The following ARB2A variants were observed in gnomAD, a reference collection of about 807,000 sequenced individuals.
ARB2A encodes ARB2 cotranscriptional regulator A.
chr5:93,830,277 A>G, the ARB2A span, among the ~76,000 whole-genome samples: 1 of 136,516 alleles, frequency 7.3e-6, no homozygotes, highest in Non-Finnish European at 1.6e-5. Context: ...ATATGTGTGT[A>G]TATATATTTA....
the ARB2A span, among the ~76,000 whole-genome samples, chr5:93,949,328 C>T: frequency 5.9e-5 from 9 of 151,816 alleles, no homozygotes; most frequent in South Asian, 2.1e-4. Context: ...TTTGGGAGGC[C>T]GAGACGGGCA....
At chr5:93,743,524 G>A in the ARB2A span, 2 of 984,250 alleles carry the variant, frequency 2.0e-6, no homozygotes, top group East Asian at 1.1e-4. Flanking sequence ...CTATTCTCTT[G>A]AGGTATACTT....
the ARB2A span, among the ~76,000 whole-genome samples, chr5:93,965,149 T>C: frequency 1.3e-5 from 2 of 152,058 alleles, no homozygotes; most frequent in Admixed American, 6.6e-5. Flanking sequence ...TTTCTAGGAT[T>C]ATCTGGGTGA....
At chr5:93,679,208 C>T in the ARB2A span, among the ~76,000 whole-genome samples, 1 of 151,672 alleles carries the variant, frequency 6.6e-6, no homozygotes, top group Non-Finnish European at 1.5e-5. Context: ...GGACTGAATG[C>T]TACATAGAAA....
the ARB2A span, chr5:94,074,535 G>T: frequency 1.4e-6 from 1 of 740,032 alleles, no homozygotes; most frequent in Non-Finnish European, 2.2e-6. Flanking sequence ...AAATACTTTA[G>T]GTACTTATAT....
the ARB2A span, among the ~76,000 whole-genome samples, chr5:94,061,626 A>C: frequency 1.3e-4 from 20 of 152,206 alleles, no homozygotes; most frequent in Non-Finnish European, 1.9e-4. Flanking sequence ...CAACACACAA[A>C]ACTTAATTGT....
At chr5:93,773,018 CT>C in the ARB2A span, among the ~76,000 whole-genome samples, 5 of 152,200 alleles carry the variant, frequency 3.3e-5, no homozygotes, top group African/African-American at 1.2e-4. Flanking sequence ...CAAATATGGA[CT>C]TTTCTCTAAA....
At chr5:93,691,043 GGT>G in the ARB2A span, among the ~76,000 whole-genome samples, 1 of 152,042 alleles carries the variant, frequency 6.6e-6, no homozygotes, top group South Asian at 2.1e-4. Context: ...AAAGACCAAA[GGT>G]ACATAAATCC....
chr5:93,917,609 G>C, the ARB2A span, among the ~76,000 whole-genome samples: 2 of 152,240 alleles, frequency 1.3e-5, no homozygotes, highest in East Asian at 1.9e-4. Context: ...CAGGTGCAGT[G>C]GTTCACACCT....
At chr5:93,696,851 C>T in the ARB2A span, among the ~76,000 whole-genome samples, 3 of 151,814 alleles carry the variant, frequency 2.0e-5, no homozygotes, top group Non-Finnish European at 2.9e-5. Context: ...TGCCTGAGGT[C>T]GAGAGTTTGA....
chr5:93,880,746 C>T, the ARB2A span, among the ~76,000 whole-genome samples: 1 of 151,724 alleles, frequency 6.6e-6, no homozygotes, highest in Admixed American at 6.6e-5. Flanking sequence ...GTTTGTGCCC[C>T]CTACAGAATT....
At chr5:93,844,263 G>C in the ARB2A span, among the ~76,000 whole-genome samples, 1 of 152,068 alleles carries the variant, frequency 6.6e-6, no homozygotes, top group African/African-American at 2.4e-5. Context: ...GGCCAACATG[G>C]TGAGATTTCA....
the ARB2A span, among the ~76,000 whole-genome samples, chr5:93,971,320 A>G: frequency 6.6e-6 from 1 of 151,902 alleles, no homozygotes; most frequent in Admixed American, 6.6e-5. Flanking sequence ...GTAATCCCAG[A>G]ACTTTGGGAG....
the ARB2A span, among the ~76,000 whole-genome samples, chr5:93,713,629 G>C: frequency 6.6e-6 from 1 of 152,156 alleles, no homozygotes; most frequent in South Asian, 2.1e-4. Context: ...CACTACCACT[G>C]TGGAGGTTCC....
chr5:93,691,586 C>T, the ARB2A span, among the ~76,000 whole-genome samples: 73 of 152,092 alleles, frequency 4.8e-4, no homozygotes, highest in African/African-American at 1.6e-3. Context: ...AGAATGGAAC[C>T]GAGTTGGAAA....
At chr5:93,818,411 A>G in the ARB2A span, among the ~76,000 whole-genome samples, 1 of 152,346 alleles carries the variant, frequency 6.6e-6, no homozygotes, top group Admixed American at 6.5e-5. Context: ...CATGTAAGTC[A>G]TATTTCAATA....
the ARB2A span, among the ~76,000 whole-genome samples, chr5:93,623,319 T>C: frequency 6.6e-6 from 1 of 151,844 alleles, no homozygotes; most frequent in Non-Finnish European, 1.5e-5. Flanking sequence ...TACAGCCACA[T>C]TTGGCATTTC....
the ARB2A span, among the ~76,000 whole-genome samples, chr5:93,652,658 T>C: frequency 6.6e-6 from 1 of 152,228 alleles, no homozygotes; most frequent in Non-Finnish European, 1.5e-5. Flanking sequence ...TCCTAAAGTT[T>C]ATTCCATGGA....
chr5:93,633,990 T>C, the ARB2A span, among the ~76,000 whole-genome samples: 1 of 152,032 alleles, frequency 6.6e-6, no homozygotes, highest in Non-Finnish European at 1.5e-5. Context: ...CTTGAACTCC[T>C]GGGCTCAAGC....
Sources: allele counts gnomAD v4.1 joint callset (sites outside exome capture counted in the v4.1 genomes callset), GRCh38; gene constraint gnomAD v4.1.1; transcripts MANE v1.5; gene names NCBI Gene and HGNC (gene_info 2026-07-23, HGNC 2026-07-21).